The following GABPB2 variants were observed in gnomAD, a reference collection of about 807,000 sequenced individuals.
The protein encoded by GABPB2 is GA binding protein transcription factor subunit beta 2.
In GABPB2, 23 loss-of-function variants were observed where a neutral mutation model predicts 39.1. That is an observed-to-expected ratio of 0.59 (90% CI 0.42 to 0.83). GABPB2 has a LOEUF of 0.83. GABPB2 is among the 40% of genes least tolerant of loss of function. GABPB2 has a pLI of 0.00. For missense variants in GABPB2, 467 were observed against 541.1 expected (o/e 0.86, Z 1.36); for synonymous variants, 184 against 199.3 (o/e 0.92, Z 0.65).
intron 7 of GABPB2, among the ~76,000 whole-genome samples, chr1:151,114,472 G>C (rs911619223): frequency 1.3e-5 from 2 of 152,164 alleles, no homozygotes; most frequent in African/African-American, 4.8e-5. Flanking sequence ...GGCCGAGGTG[G>C]ACGGATCACA....
intron 5 of GABPB2, among the ~76,000 whole-genome samples, chr1:151,102,228 G>T (rs200423704): frequency 6.6e-6 from 1 of 152,132 alleles, no homozygotes. Context: ...GGCTGAGATA[G>T]GAGAAGCGCT....
chr1:151,074,309 G>A (rs867325393), intron 1 of GABPB2, among the ~76,000 whole-genome samples: 10 of 120,008 alleles, frequency 8.3e-5, no homozygotes, highest in African/African-American at 2.9e-4. Flanking sequence ...ACATGCTTCC[G>A]CTTTTTTTTT....
At chr1:151,114,492 G>A (rs1471751606) in intron 7 of GABPB2, among the ~76,000 whole-genome samples, 1 of 152,110 alleles carries the variant, frequency 6.6e-6, no homozygotes. Flanking sequence ...AAGGTCAAGA[G>A]ATCGAGACCA....
chr1:151,093,495 C>T, intron 4 of GABPB2, 109 bp downstream of exon 4: 2 of 719,290 alleles, frequency 2.8e-6, no homozygotes, highest in South Asian at 4.3e-5. Flanking sequence ...AGTAGCACTT[C>T]TAATATGTCT....
chr1:151,104,173 T>C (rs1022692907), intron 6 of GABPB2, among the ~76,000 whole-genome samples: 4 of 152,322 alleles, frequency 2.6e-5, no homozygotes, highest in South Asian at 2.1e-4. Flanking sequence ...TGAGCAAATA[T>C]AGGCTATGTA....
At chr1:151,104,247 G>T (rs587653543) in intron 6 of GABPB2, among the ~76,000 whole-genome samples, 1 of 152,120 alleles carries the variant, frequency 6.6e-6, no homozygotes, top group African/African-American at 2.4e-5. Context: ...AGTGGTCTGT[G>T]GGGGGAAGAC....
chr1:151,111,075 T>A (rs1680385852), intron 7 of GABPB2, among the ~76,000 whole-genome samples: 1 of 152,040 alleles, frequency 6.6e-6, no homozygotes, highest in Non-Finnish European at 1.5e-5. Flanking sequence ...AGGTCGGGAT[T>A]TCAAGACCAG....
rs946717417 is a variant in GABPB2 at position 151,125,325 on chromosome 1, A to G, written c.*7069A>G. ...CCCAGACTGTTCTCACAATGTCCTC[A>G]GTTTTTCAGGTTGTCTGACAGCTTT... On this transcript the variant is annotated 3_prime_UTR_variant, in exon 9 of 9. Coordinates refer to ENST00000368918, the MANE Select transcript of GABPB2 (RefSeq NM_144618.3). 1 of 152,082 alleles carries G rather than the reference A, an allele frequency of 6.6e-6. No individual in the cohort carries two copies. The highest frequency in any genetic ancestry group is 6.6e-5 in the Admixed American group (1 of 15,216). The allele number at this position is 152,082 out of a possible 1,614,324, so 9.4% of individuals were successfully genotyped here. A position where few individuals can be genotyped will look rare whatever the true frequency, so the allele number is the denominator to read the frequency against.
intron 7 of GABPB2, among the ~76,000 whole-genome samples, chr1:151,108,953 A>G (rs1045885873): frequency 6.6e-5 from 10 of 152,204 alleles, no homozygotes; most frequent in Admixed American, 2.0e-4. Context: ...TTGGGAGACC[A>G]AGGCAGGAGG....
chr1:151,081,754 C>T (rs1386580180), intron 1 of GABPB2, among the ~76,000 whole-genome samples: 2 of 151,924 alleles, frequency 1.3e-5, no homozygotes, highest in Non-Finnish European at 2.9e-5. Flanking sequence ...TCCGCCTCAG[C>T]CTCCCGAGTA....
intron 7 of GABPB2, among the ~76,000 whole-genome samples, chr1:151,108,730 C>CA (rs1680160223): frequency 6.6e-6 from 1 of 152,052 alleles, no homozygotes; most frequent in Non-Finnish European, 1.5e-5. Context: ...CCAGGGAGGG[C>CA]AATTGGGTAC....
chr1:151,088,057 G>A (rs1465501099), intron 1 of GABPB2, 133 bp from the exon 2 acceptor site: 1 of 620,226 alleles, frequency 1.6e-6, no homozygotes, highest in African/African-American at 1.9e-5. Flanking sequence ...GAAAGGAAGT[G>A]ACCTACCAGA....
At chr1:151,092,020 C>G (rs928628307) in intron 3 of GABPB2, among the ~76,000 whole-genome samples, 1 of 151,826 alleles carries the variant, frequency 6.6e-6, no homozygotes, top group Non-Finnish European at 1.5e-5. Flanking sequence ...TGGCCTTGCA[C>G]TCCTGGCCTC....
chr1:151,071,522 GGCTCACTGCAACCTGCA>G (rs1255357484), intron 1 of GABPB2, among the ~76,000 whole-genome samples: 17 of 143,400 alleles, frequency 1.2e-4, no homozygotes, highest in African/African-American at 2.9e-4. Context: ...GCGCGATTTC[GGCTCACTGCAACCTGCA>G]GCTCACTGCA....
At chr1:151,084,072 A>AT (rs1166069030) in intron 1 of GABPB2, among the ~76,000 whole-genome samples, 43 of 148,940 alleles carry the variant, frequency 2.9e-4, no homozygotes, top group Non-Finnish European at 5.1e-4. Context: ...AAAAATATAT[A>AT]TATTTTTTTA....
intron 1 of GABPB2, among the ~76,000 whole-genome samples, chr1:151,074,301 A>G (rs1020015012): frequency 5.7e-5 from 7 of 122,052 alleles, no homozygotes; most frequent in Admixed American, 2.7e-4. Flanking sequence ...TATGCTAAAC[A>G]TGCTTCCGCT....
Position 151,120,461 on chromosome 1 carries a change from G to C in GABPB2, c.*2205G>C, listed in dbSNP as rs1311067762. ...GGAGGCGGCAGTTGCAATGAGCCGAGATGGCACCATTGCACTCCAACCTGG... is the reference window on the plus strand; with the variant it reads ...GGAGGCGGCAGTTGCAATGAGCCGACATGGCACCATTGCACTCCAACCTGG... On this transcript the variant is annotated 3_prime_UTR_variant, in exon 9 of 9. Transcript: ENST00000368918. The C allele has an allele frequency of 6.6e-6, 1 of 152,148 alleles. No homozygotes were observed. The highest frequency in any genetic ancestry group is 1.5e-5 in the Non-Finnish European group (1 of 68,070). 9.4% of individuals were successfully genotyped at this position (152,148 alleles called of 1,614,324 possible).
Position 151,072,528 on chromosome 1 carries a change from C to T in GABPB2, c.-1+1594C>T, listed in dbSNP as rs587695287. Reference sequence around the variant, plus strand: ...TGCACCACTGCACTCCAGCCTGGACCACAGAGTGAGGCCCTGTCTCTTTAA... The same window carrying T: ...TGCACCACTGCACTCCAGCCTGGACTACAGAGTGAGGCCCTGTCTCTTTAA... On this transcript the variant is annotated intron_variant, in intron 1 of 8. Transcript: ENST00000368918. Among the ~76,000 whole-genome samples, 8 of 151,672 alleles carry T rather than the reference C, an allele frequency of 5.3e-5. 1 individual carries two copies. In the South Asian group the frequency reaches 1.5e-3, roughly 28 times the overall value.
intron 7 of GABPB2, among the ~76,000 whole-genome samples, chr1:151,111,484 G>A (rs587745178): frequency 1.3e-5 from 2 of 150,400 alleles, no homozygotes; most frequent in African/African-American, 2.4e-5. Flanking sequence ...GTGCAGTGGC[G>A]TGATCTCGGC....
Sources: gnomAD v4.1 joint callset for allele counts (sites outside exome capture counted in the v4.1 genomes callset) on GRCh38, gnomAD v4.1.1 for gene constraint, MANE v1.5 for transcripts, NCBI Gene and HGNC (gene_info 2026-07-23, HGNC 2026-07-21) for gene names.